The following ARHGAP32 variants were observed in gnomAD, a reference collection of about 807,000 sequenced individuals.
ARHGAP32 encodes Rho GTPase activating protein 32.
ARHGAP32 carries 51 observed loss-of-function variants against 186.5 expected under a neutral mutation model. The ratio of observed to expected loss-of-function variants is 0.27; its 90% confidence interval spans 0.22 to 0.35. The LOEUF is 0.35. ARHGAP32 is among the 10% of genes least tolerant of loss of function. The pLI, the probability that ARHGAP32 is intolerant of heterozygous loss-of-function variation, is 1.00. For missense variants in ARHGAP32, 2,186 were observed against 2,623.5 expected (o/e 0.83, Z 3.64); for synonymous variants, 950 against 964.3 (o/e 0.99, Z 0.27).
chr11:129,147,883 CT>C (rs2135444536), intron 2 of ARHGAP32, among the ~76,000 whole-genome samples: 1 of 152,226 alleles, frequency 6.6e-6, no homozygotes, highest in Non-Finnish European at 1.5e-5. Flanking sequence ...AAGATGACCC[CT>C]ACCCTTCCTC....
In ARHGAP32 at chr11:128,999,861, T is replaced by TA. The variant is rs545024070; in HGVS notation, c.1046-1394dup. 7.1e-4 allele frequency among the ~76,000 whole-genome samples: 108 copies of TA among 152,344 alleles called. 1 individual carries two copies. Among genetic ancestry groups the TA allele is most frequent in the Middle Eastern group, 3.4e-3 (1 of 294 alleles). Reference sequence around the variant, plus strand: ...CTTCCCAATGCATACTTAAGGATGTTACAGGATTATAAGAGGAACCTGAGT... The same window carrying TA: ...CTTCCCAATGCATACTTAAGGATGTTAACAGGATTATAAGAGGAACCTGAGT... On this transcript the variant is annotated intron_variant, in intron 11 of 22. Coordinates refer to ENST00000682385, the MANE Select transcript of ARHGAP32 (RefSeq NM_001378024.1).
intron 10 of ARHGAP32, among the ~76,000 whole-genome samples, chr11:129,051,120 T>TCCCTTTACCTGCACACAAG: frequency 6.6e-6 from 1 of 152,360 alleles, no homozygotes. Flanking sequence ...CATGTGTCTT[T>TCCCTTTACCTGCACACAAG]ATAGTAGAAT....
intron 11 of ARHGAP32, among the ~76,000 whole-genome samples, chr11:129,030,117 T>C (rs1939049601): frequency 6.6e-6 from 1 of 152,188 alleles, no homozygotes; most frequent in Admixed American, 6.5e-5. Flanking sequence ...GTAGGGATTT[T>C]AACAATCTGA....
At chr11:128,993,893 CAAAAAAATCAATGA>C in intron 12 of ARHGAP32, among the ~76,000 whole-genome samples, 1 of 151,658 alleles carries the variant, frequency 6.6e-6, no homozygotes, top group Middle Eastern at 3.4e-3. Flanking sequence ...ACTGTCCCTA[CAAAAAAATCAATGA>C]CAAAAAATCA....
chr11:129,225,219 G>C (rs368783108), intron 1 of ARHGAP32, among the ~76,000 whole-genome samples: 136 of 152,282 alleles, frequency 8.9e-4, no homozygotes, highest in African/African-American at 3.2e-3. Flanking sequence ...AGAAAAAACT[G>C]AGAAGTAAGA....
intron 5 of ARHGAP32, among the ~76,000 whole-genome samples, chr11:129,112,445 G>T (rs916968613): frequency 6.6e-6 from 1 of 151,976 alleles, no homozygotes; most frequent in Non-Finnish European, 1.5e-5. Flanking sequence ...GCTAAAACTA[G>T]AAAGTTTTAG....
In ARHGAP32 at chr11:128,967,255, T is replaced by C. The variant is rs1406248672; in HGVS notation, c.*1652A>G. 1.3e-5 allele frequency: 2 copies of C among 152,198 alleles called. No homozygotes were observed. Among genetic ancestry groups the C allele is most frequent in the Non-Finnish European group, 2.9e-5 (2 of 68,008 alleles). 9.4% of individuals were successfully genotyped at this position (152,198 alleles called of 1,614,324 possible). A position where few individuals can be genotyped will look rare whatever the true frequency, so the allele number is the denominator to read the frequency against. ...TCTTTATACAATTTCACAGCAATAA[T>C]AGCAGCATGATTTTAGCCTCTTAAA... On this transcript the variant is annotated 3_prime_UTR_variant, in exon 23 of 23. Transcript: ENST00000682385.
At chr11:129,012,442 A>G (rs1225525597) in intron 11 of ARHGAP32, among the ~76,000 whole-genome samples, 1 of 152,214 alleles carries the variant, frequency 6.6e-6, no homozygotes, top group African/African-American at 2.4e-5. Context: ...ATTGGTTGCA[A>G]TGAAGACCTC....
chr11:129,200,190 T>A (rs1204886968), intron 1 of ARHGAP32, among the ~76,000 whole-genome samples: 1 of 152,184 alleles, frequency 6.6e-6, no homozygotes, highest in African/African-American at 2.4e-5. Context: ...CAAATGAGAC[T>A]CTGGACTGTG....
intron 6 of ARHGAP32, among the ~76,000 whole-genome samples, chr11:129,085,117 AG>A (rs1809456369): frequency 6.6e-6 from 1 of 151,932 alleles, no homozygotes. Context: ...TCAATGTACT[AG>A]GCTTAAGCGA....
intron 5 of ARHGAP32, among the ~76,000 whole-genome samples, chr11:129,113,431 C>T (rs1247593439): frequency 6.6e-6 from 1 of 152,068 alleles, no homozygotes; most frequent in East Asian, 1.9e-4. Context: ...GCACCATGTT[C>T]AGTCTGTGTT....
intron 5 of ARHGAP32, among the ~76,000 whole-genome samples, chr11:129,102,368 A>G (rs1028508736): frequency 3.9e-5 from 6 of 152,234 alleles, no homozygotes; most frequent in Admixed American, 1.3e-4. Context: ...CCTTGAATGT[A>G]AATGGGCTAA....
intron 1 of ARHGAP32, among the ~76,000 whole-genome samples, chr11:129,227,775 T>C (rs1290430176): frequency 1.3e-5 from 2 of 152,020 alleles, no homozygotes; most frequent in Non-Finnish European, 1.5e-5. Flanking sequence ...AGAGGACAAA[T>C]AGACAATGCA....
At chr11:129,065,008 G>T in intron 7 of ARHGAP32, 75 bp from the exon 8 acceptor site, 5 of 1,215,366 alleles carry the variant, frequency 4.1e-6, no homozygotes, top group Non-Finnish European at 5.8e-6. Context: ...GATGGTTTCT[G>T]GAAGAAAAAA....
At chr11:129,263,638 A>C in intron 1 of ARHGAP32, among the ~76,000 whole-genome samples, 1 of 127,576 alleles carries the variant, frequency 7.8e-6, no homozygotes, top group African/African-American at 2.9e-5. Flanking sequence ...GGGGAGAGGG[A>C]GGGGGAGGAG....
chr11:129,242,497 T>C (rs1027250151), intron 1 of ARHGAP32, among the ~76,000 whole-genome samples: 5 of 152,110 alleles, frequency 3.3e-5, no homozygotes, highest in African/African-American at 1.2e-4. Flanking sequence ...GGCAGGCAGA[T>C]CACAAGGTCA....
intron 2 of ARHGAP32, among the ~76,000 whole-genome samples, chr11:129,160,515 AATAAAATACCTAGGATG>A (rs1022808957): frequency 6.6e-5 from 10 of 152,194 alleles, no homozygotes; most frequent in African/African-American, 2.2e-4. Context: ...GCTAAAAGAG[AATAAAATACCTAGGATG>A]ATAAAATACC....
chr11:129,087,583 T>G (rs1232721993), intron 6 of ARHGAP32, among the ~76,000 whole-genome samples: 1 of 151,872 alleles, frequency 6.6e-6, no homozygotes, highest in East Asian at 1.9e-4. Flanking sequence ...TTGTCAGGGG[T>G]TAGAGAAAAG....
upstream of ARHGAP32, among the ~76,000 whole-genome samples, chr11:129,192,368 C>G (rs1944287978): frequency 6.6e-6 from 1 of 152,132 alleles, no homozygotes; most frequent in African/African-American, 2.4e-5. Flanking sequence ...AAATCACAGG[C>G]AGCACAGTCA....
Sources: gnomAD v4.1 joint callset for allele counts (sites outside exome capture counted in the v4.1 genomes callset) on GRCh38, gnomAD v4.1.1 for gene constraint, MANE v1.5 for transcripts, NCBI Gene and HGNC (gene_info 2026-07-23, HGNC 2026-07-21) for gene names.